The following FBXL7 variants were observed in gnomAD, a reference collection of about 807,000 sequenced individuals.
The protein encoded by FBXL7 is F-box and leucine rich repeat protein 7, also known as F-box/LRR-repeat protein 7.
A neutral mutation model predicts 38.3 loss-of-function variants in FBXL7; 12 were observed. The ratio of observed to expected loss-of-function variants is 0.31; its 90% CI spans 0.20 to 0.51. The LOEUF (loss-of-function observed/expected upper bound fraction) is 0.51, where lower values mean the gene tolerates loss of function less well. FBXL7 is among the 20% of genes least tolerant of loss of function. The pLI, the probability that FBXL7 is intolerant of heterozygous loss-of-function variation, is 0.98. For synonymous variants in FBXL7, 297 were observed against 300.9 expected (o/e 0.99, Z 0.13); for missense variants, 567 against 676.4 (o/e 0.84, Z 1.79).
intron 2 of FBXL7, among the ~76,000 whole-genome samples, chr5:15,905,570 A>G (rs1212867831): frequency 6.6e-6 from 1 of 152,110 alleles, no homozygotes; most frequent in Non-Finnish European, 1.5e-5. Flanking sequence ...TACTAATTTA[A>G]CAGAGAGATA....
chr5:15,894,583 G>C (rs1741035487), intron 2 of FBXL7, among the ~76,000 whole-genome samples: 1 of 152,110 alleles, frequency 6.6e-6, no homozygotes, highest in African/African-American at 2.4e-5. Context: ...ATTTTCTATT[G>C]CGTTTTCTGT....
intron 2 of FBXL7, among the ~76,000 whole-genome samples, chr5:15,830,914 T>A (rs257738): frequency 5.3e-5 from 8 of 151,778 alleles, no homozygotes; most frequent in South Asian, 2.1e-4. Flanking sequence ...TTCCCTCCCC[T>A]TGTTCTTTTT....
At chr5:15,574,766 A>C (rs1051202018) in intron 1 of FBXL7, among the ~76,000 whole-genome samples, 6 of 152,190 alleles carry the variant, frequency 3.9e-5, no homozygotes, top group African/African-American at 1.4e-4. Flanking sequence ...GGTAGCTACC[A>C]ACCTTAGGTC....
At chr5:15,681,592 C>T (rs115747940) in intron 2 of FBXL7, among the ~76,000 whole-genome samples, 257 of 152,164 alleles carry the variant, frequency 1.7e-3, no homozygotes, top group African/African-American at 5.9e-3. Context: ...TCATGGGTGA[C>T]CTGTTTTTTC....
At chr5:15,528,816 A>T (rs1027320637) in intron 1 of FBXL7, among the ~76,000 whole-genome samples, 1 of 152,160 alleles carries the variant, frequency 6.6e-6, no homozygotes, top group Non-Finnish European at 1.5e-5. Context: ...TTAGCCTTTA[A>T]TTGACAAAAT....
intron 2 of FBXL7, among the ~76,000 whole-genome samples, chr5:15,888,908 C>A (rs1232624280): frequency 6.6e-6 from 1 of 152,076 alleles, no homozygotes; most frequent in African/African-American, 2.4e-5. Flanking sequence ...AAAAAATCTT[C>A]AAAAATCTAT....
chr5:15,861,573 A>C (rs1284198186), intron 2 of FBXL7, among the ~76,000 whole-genome samples: 1 of 152,204 alleles, frequency 6.6e-6, no homozygotes, highest in East Asian at 1.9e-4. Context: ...CATGGAGCAG[A>C]CCTTATTACC....
chr5:15,928,369 G>A lies in FBXL7; in HGVS notation c.607G>A (p.Gly203Arg), dbSNP rs1392919442. Residue 203 changes from glycine (G) to arginine (R), a missense_variant, in exon 3 of 4, where the codon GGG becomes AGG. By Grantham distance (125) the Gly-to-Arg change is moderately radical (BLOSUM62 -2). Coordinates refer to ENST00000504595, the MANE Select transcript of FBXL7 (RefSeq NM_012304.5). The surrounding 1 kb of genome is among the most constrained non-coding windows in gnomAD (Gnocchi z 4.0). ...TGGCTGCAGGCGGCTCACAGACCGA[G>A]GGCTGTACACCATCGCCCAGTGCTG... Reference protein sequence around the residue: ...VSGCRRLTDRGLYTIAQCCPE... With the variant: ...VSGCRRLTDRRLYTIAQCCPE... 1.2e-6 allele frequency: 2 copies of A among 1,613,910 alleles called. No homozygotes were observed. The highest frequency in any genetic ancestry group is 1.3e-5 in the African/African-American group (1 of 74,946).
At chr5:15,801,656 T>TGTGC (rs869247688) in intron 2 of FBXL7, among the ~76,000 whole-genome samples, 95 of 147,024 alleles carry the variant, frequency 6.5e-4, no homozygotes, top group African/African-American at 1.5e-3. Context: ...TGTGTGTGTG[T>TGTGC]GCGCGCGCGC....
At chr5:15,689,267 G>GTTT (rs34173414) in intron 2 of FBXL7, among the ~76,000 whole-genome samples, 26 of 142,580 alleles carry the variant, frequency 1.8e-4, no homozygotes, top group East Asian at 4.1e-4. Flanking sequence ...TTTATTTTCA[G>GTTT]TTTTTTTTTT....
chr5:15,754,290 G>C (rs2126689665), intron 2 of FBXL7, among the ~76,000 whole-genome samples: 1 of 152,320 alleles, frequency 6.6e-6, no homozygotes, highest in African/African-American at 2.4e-5. Flanking sequence ...ATGGGCAAGT[G>C]CTACGAGTAG....
intron 1 of FBXL7, among the ~76,000 whole-genome samples, chr5:15,589,407 C>A (rs988043461): frequency 6.6e-6 from 1 of 152,182 alleles, no homozygotes; most frequent in Non-Finnish European, 1.5e-5. Flanking sequence ...CCTCCTCCTC[C>A]TCTCTCTTCC....
chr5:15,752,651 G>C (rs982549687), intron 2 of FBXL7, among the ~76,000 whole-genome samples: 1 of 152,172 alleles, frequency 6.6e-6, no homozygotes, highest in African/African-American at 2.4e-5. Flanking sequence ...TATGCATCTT[G>C]ATATGCAATA....
intron 2 of FBXL7, among the ~76,000 whole-genome samples, chr5:15,713,346 C>A (rs1036663822): frequency 6.6e-6 from 1 of 152,196 alleles, no homozygotes; most frequent in African/African-American, 2.4e-5. Context: ...CTGGGTCCCT[C>A]CCACAACATG....
chr5:15,511,413 T>C (rs373261205), intron 1 of FBXL7, among the ~76,000 whole-genome samples: 19 of 152,300 alleles, frequency 1.2e-4, no homozygotes, highest in African/African-American at 4.1e-4. Flanking sequence ...TGGGGTAGCC[T>C]TTGTGCCTAC....
intron 2 of FBXL7, among the ~76,000 whole-genome samples, chr5:15,758,015 G>C (rs547398784): frequency 6.6e-6 from 1 of 151,816 alleles, no homozygotes; most frequent in Non-Finnish European, 1.5e-5. Flanking sequence ...GTGAAATTAC[G>C]ATAAAGATGA....
At chr5:15,582,083 A>G (rs1360543015) in intron 1 of FBXL7, among the ~76,000 whole-genome samples, 2 of 152,088 alleles carry the variant, frequency 1.3e-5, no homozygotes, top group Non-Finnish European at 2.9e-5. Flanking sequence ...GATTACAGGC[A>G]TGTGCCACCA....
intron 1 of FBXL7, among the ~76,000 whole-genome samples, chr5:15,608,305 T>C (rs374526562): frequency 2.6e-5 from 4 of 152,274 alleles, no homozygotes; most frequent in East Asian, 3.9e-4. Context: ...TTGGGTAATG[T>C]CCTCCCCATT....
intron 1 of FBXL7, among the ~76,000 whole-genome samples, chr5:15,613,436 A>G (rs1413188869): frequency 6.6e-6 from 1 of 152,324 alleles, no homozygotes; most frequent in African/African-American, 2.4e-5. Context: ...AAGGCTGGTT[A>G]GGCAAAAACA....
Sources: allele counts gnomAD v4.1 joint callset (sites outside exome capture counted in the v4.1 genomes callset), GRCh38; gene constraint gnomAD v4.1.1; non-coding constraint Gnocchi (gnomAD v3.1); transcripts MANE v1.5; gene names NCBI Gene and HGNC (gene_info 2026-07-23, HGNC 2026-07-21).